Variants in P4HA3 observed in about 807,000 individuals in gnomAD.
P4HA3 encodes the protein prolyl 4-hydroxylase subunit alpha-3.
Under a neutral mutation model 66.7 loss-of-function variants are expected in P4HA3, and 60 were observed. The observed-to-expected ratio is 0.90, with a 90% CI of 0.73 to 1.12. The LOEUF is 1.12. P4HA3 is among the 50% of genes most tolerant of loss of function. P4HA3 has a pLI of 0.00. For missense variants in P4HA3, 683 were observed against 685.8 expected (o/e 1.00, Z 0.05); for synonymous variants, 263 against 274.6 (o/e 0.96, Z 0.42).
chr11:74,292,978 T>C (rs1861084071), intron 4 of P4HA3, among the ~76,000 whole-genome samples: 1 of 152,226 alleles, frequency 6.6e-6, no homozygotes, highest in Admixed American at 6.5e-5. Flanking sequence ...GGTGCACAGC[T>C]GAGTTCAATT....
intron 14 of P4HA3, among the ~76,000 whole-genome samples, chr11:74,260,489 G>A (rs540367304): frequency 6.6e-6 from 1 of 152,270 alleles, no homozygotes; most frequent in East Asian, 1.9e-4. Context: ...GGCCCCTTAG[G>A]GGACCATGTA....
chr11:74,283,066 C>A (rs1290570041), intron 7 of P4HA3, among the ~76,000 whole-genome samples: 2 of 152,108 alleles, frequency 1.3e-5, no homozygotes, highest in African/African-American at 4.8e-5. Flanking sequence ...TCAACACAAG[C>A]CACTGAGGCA....
At chr11:74,310,009 A>C (rs914534014) in intron 1 of P4HA3, among the ~76,000 whole-genome samples, 5 of 152,160 alleles carry the variant, frequency 3.3e-5, no homozygotes. Flanking sequence ...CCTTCTTCTC[A>C]TGTCACCCCA....
At position 74,253,971 on chromosome 11, in the gene P4HA3, T is replaced by C. The variant is rs116060399; in HGVS notation, c.*1318+5952A>G. 3.7e-3 allele frequency: 649 copies of C among 177,476 alleles called. 4 individuals carry two copies. The highest frequency in any genetic ancestry group is 0.015 in the African/African-American group (621 of 42,384). 11.0% of individuals were successfully genotyped at this position (177,476 alleles called of 1,614,324 possible). A position where few individuals can be genotyped will look rare whatever the true frequency, so the allele number is the denominator to read the frequency against. On this transcript the variant is annotated intron_variant and NMD_transcript_variant, in intron 15 of 15. Transcript: ENST00000524388. ...GTGGTCTTTATTTTTCCCTTTCAAATAAAACACTAGTCAGGTACCGTTTTA... is the reference window on the plus strand; with the variant it reads ...GTGGTCTTTATTTTTCCCTTTCAAACAAAACACTAGTCAGGTACCGTTTTA...
chr11:74,265,366 G>C (rs143439087), downstream of P4HA3, among the ~76,000 whole-genome samples: 189 of 152,304 alleles, frequency 1.2e-3, no homozygotes, highest in African/African-American at 4.0e-3. Context: ...TGAGGAAGCT[G>C]GGTATTAGAA....
chr11:74,267,559 A>T (rs1156373019), intron 12 of P4HA3, among the ~76,000 whole-genome samples: 1 of 152,148 alleles, frequency 6.6e-6, no homozygotes, highest in African/African-American at 2.4e-5. Flanking sequence ...TCTCCTGTAA[A>T]CTCATTTTCA....
Position 74,304,388 on chromosome 11 carries a change from CAAAG to C in P4HA3, c.221_224del (p.Ser74CysfsTer42). On this transcript the variant is annotated frameshift_variant, in exon 2 of 13. Coordinates refer to ENST00000331597, the MANE Select transcript of P4HA3 (RefSeq NM_182904.5). LOFTEE classifies it high-confidence loss of function. ...CCACAGGGGTTGTTGAATCCTCATGCAAAGAAAGTACCTTGTCGTAGAATCTGAA... is the reference window on the plus strand; with the variant it reads ...CCACAGGGGTTGTTGAATCCTCATGCAAAGTACCTTGTCGTAGAATCTGAA... 1 of 1,614,070 alleles carries C rather than the reference CAAAG, an allele frequency of 6.2e-7. No individual in the cohort carries two copies. Among genetic ancestry groups the C allele is most frequent in the Non-Finnish European group, 8.5e-7 (1 of 1,179,994 alleles).
chr11:74,300,558 A>G (rs918438077), intron 3 of P4HA3, among the ~76,000 whole-genome samples: 2 of 152,096 alleles, frequency 1.3e-5, no homozygotes, highest in African/African-American at 4.8e-5. Context: ...AGGTGGGAGG[A>G]TCACTTGATC....
At chr11:74,307,495 A>G (rs529630860) in intron 1 of P4HA3, among the ~76,000 whole-genome samples, 2 of 152,332 alleles carry the variant, frequency 1.3e-5, no homozygotes, top group East Asian at 1.9e-4. Flanking sequence ...CATCAATTCA[A>G]TCCAGTGTTT....
At chr11:74,289,627 G>A (rs1206223522) in intron 4 of P4HA3, among the ~76,000 whole-genome samples, 8 of 129,344 alleles carry the variant, frequency 6.2e-5, no homozygotes, top group Admixed American at 2.8e-4. Flanking sequence ...CCTGGTGTGT[G>A]ATGTTCCCCT....
chr11:74,302,611 C>A lies in P4HA3; in HGVS notation c.344-19G>T. ...TTCAGAGCTGTAAAAGTAGTAAAAA[C>A]ATCAACCCAGCATTCAAGAAACAGG... is the stretch of plus-strand genomic sequence containing the variant. On this transcript the variant is annotated intron_variant, in intron 2 of 12. Transcript: ENST00000331597. 6.3e-7 allele frequency: 1 copy of A among 1,599,964 alleles called. No homozygotes were observed. The highest frequency in any genetic ancestry group is 8.5e-7 in the Non-Finnish European group (1 of 1,172,210).
intron 12 of P4HA3, among the ~76,000 whole-genome samples, chr11:74,267,547 T>C (rs1860031279): frequency 1.3e-5 from 2 of 152,240 alleles, no homozygotes; most frequent in African/African-American, 4.8e-5. Context: ...TCACAGGTCC[T>C]GTCTCCTGTA....
chr11:74,256,749 T>TG (rs1157118241), intron 15 of P4HA3, among the ~76,000 whole-genome samples: 1 of 152,054 alleles, frequency 6.6e-6, no homozygotes, highest in Non-Finnish European at 1.5e-5. Context: ...TAGACACTAG[T>TG]GAAAGTCCAA....
chr11:74,251,842 T>C, intron 15 of P4HA3: 2 of 1,174,276 alleles, frequency 1.7e-6, no homozygotes, highest in Non-Finnish European at 2.5e-6. Context: ...TTCTTCCTCC[T>C]CCTCAGTGAA....
chr11:74,310,696 T>C, intron 1 of P4HA3, among the ~76,000 whole-genome samples: 1 of 152,186 alleles, frequency 6.6e-6, no homozygotes, highest in East Asian at 1.9e-4. Flanking sequence ...TTGTATGAAT[T>C]AATGAACTGA....
rs567619122 is a variant in P4HA3 at position 74,291,497 on chromosome 11, T to C, written c.718-2367A>G. 3.9e-5 allele frequency among the ~76,000 whole-genome samples: 6 copies of C among 152,348 alleles called. No homozygotes were observed. In the South Asian group the frequency reaches 1.2e-3, roughly 32 times the overall value. ...CCAACACTATGTTGAATAGGAGTAG[T>C]GAGAGAGGGCATCCCTGTCTTGTAC... On this transcript the variant is annotated intron_variant, in intron 4 of 12. Coordinates refer to ENST00000331597, the MANE Select transcript of P4HA3 (RefSeq NM_182904.5).
At chr11:74,285,761 C>A (rs373332180) in intron 7 of P4HA3, 48 bp downstream of exon 7, 1 of 1,575,328 alleles carries the variant, frequency 6.3e-7, no homozygotes, top group South Asian at 1.1e-5. Context: ...GAACTCCAGG[C>A]ATGTGAAGAT....
Position 74,292,502 on chromosome 11 carries a change from T to A in P4HA3, c.718-3372A>T, listed in dbSNP as rs544802561. Among the ~76,000 whole-genome samples, 47 of 152,342 alleles carry A rather than the reference T, an allele frequency of 3.1e-4. No homozygotes were observed. The East Asian group carries it at 7.3e-3, about 24-fold the overall frequency. On this transcript the variant is annotated intron_variant, in intron 4 of 12. Transcript: ENST00000331597. Reference sequence around the variant, plus strand: ...CCTTCTGCTAGCTTTTGAATGTGTTTGCTGTTGCTTCTCTAGTTCTTTTAA... The same window carrying A: ...CCTTCTGCTAGCTTTTGAATGTGTTAGCTGTTGCTTCTCTAGTTCTTTTAA...
intron 15 of P4HA3, among the ~76,000 whole-genome samples, chr11:74,252,262 T>G (rs985431915): frequency 6.0e-5 from 9 of 151,208 alleles, no homozygotes; most frequent in East Asian, 1.9e-4. Context: ...TTTTTTTTTT[T>G]TTTTAGTAAA....
Sources: allele counts gnomAD v4.1 joint callset (sites outside exome capture counted in the v4.1 genomes callset), GRCh38; gene constraint gnomAD v4.1.1; transcripts MANE v1.5; gene names NCBI Gene and HGNC (gene_info 2026-07-23, HGNC 2026-07-21).